Variants in MYH6 observed in about 807,000 individuals in gnomAD.
MYH6 encodes myosin-6.
Under a neutral mutation model 223.2 loss-of-function variants are expected in MYH6, and 126 were observed. That is an observed-to-expected ratio of 0.56 (90% CI 0.49 to 0.65). MYH6 has a LOEUF of 0.65. MYH6 is among the 30% of genes least tolerant of loss of function. MYH6 has a pLI of 0.00. For synonymous variants in MYH6, 978 were observed against 1,010.2 expected (o/e 0.97, Z 0.61); for missense variants, 2,040 against 2,536.4 (o/e 0.80, Z 4.20).
intron 28 of MYH6, 103 bp downstream of exon 28, chr14:23,389,290 C>A: frequency 2.9e-6 from 4 of 1,365,508 alleles, no homozygotes; most frequent in African/African-American, 1.4e-5. Context: ...AGGGTCTTTC[C>A]CTTGCAGAGG....
In MYH6 at chr14:23,390,131, C is replaced by G. The variant is rs1180345753; in HGVS notation, c.3658G>C (p.Glu1220Gln). 1.2e-6 allele frequency: 2 copies of G among 1,611,880 alleles called. No individual in the cohort carries two copies. The highest frequency in any genetic ancestry group is 8.5e-7 in the Non-Finnish European group (1 of 1,179,520). Residue 1220 changes from glutamate (E) to glutamine (Q), a missense_variant, in exon 26 of 39, where the codon GAG becomes CAG. This residue lies in a region of MYH6 where 1,203 missense variants were observed against 1,400.2 expected (regional missense o/e 0.86). Coordinates refer to ENST00000405093, the MANE Select transcript of MYH6 (RefSeq NM_002471.4). ...DNLQRVKQKL[E>Q]KEKSEFKLEL... The stretch of plus-strand genomic sequence containing the variant: ...AGCTTGAACTCGCTCTTCTCCTTCT[C>G]CAGCTTCTGCTTCACCCGCTGCAGG...
Position 23,405,814 on chromosome 14 carries a change from TC to T in MYH6, c.202-45del. The T allele has an allele frequency of 6.2e-7, 1 of 1,613,538 alleles. No homozygotes were observed. Among genetic ancestry groups the T allele is most frequent in the South Asian group, 1.1e-5 (1 of 91,048 alleles). Reference sequence around the variant, plus strand: ...CAGGAGGATGAGTGACCACAATCCCTCCGGGACCCTTGCCAGCACTGCCCAC... The same window carrying T: ...CAGGAGGATGAGTGACCACAATCCCTCGGGACCCTTGCCAGCACTGCCCAC... On this transcript the variant is annotated intron_variant, in intron 3 of 38. Transcript: ENST00000405093. The surrounding 1 kb of genome is among the most constrained non-coding windows in gnomAD (Gnocchi z 4.7).
At chr14:23,386,675 G>A (rs1039382598) in intron 32 of MYH6, 52 bp from the exon 33 acceptor site, 1 of 1,553,958 alleles carries the variant, frequency 6.4e-7, no homozygotes, top group Non-Finnish European at 8.7e-7. Context: ...GCAGGGTTGA[G>A]AGGGAGGATG....
rs768398107 is a variant in MYH6 at position 23,388,950 on chromosome 14, C to T, written c.4084G>A (p.Val1362Ile). The T allele has an allele frequency of 1.9e-5, 30 of 1,613,626 alleles. 1 individual carries two copies. Among genetic ancestry groups the T allele is most frequent in the South Asian group, 7.7e-5 (7 of 91,056 alleles). Residue 1362 changes from valine (V) to isoleucine (I), a missense_variant, in exon 29 of 39, where the codon GTC (valine) becomes ATC (isoleucine). Val to Ile is a conservative substitution (Grantham distance 29). Transcript: ENST00000405093. ...ETEAKAELQRVLSKANSEVAQ... is the reference protein window; with the variant it reads ...ETEAKAELQRILSKANSEVAQ... Reference sequence around the variant, plus strand: ...ACCTCCGAGTTGGCCTTGGACAGGACGCGCTGCAGCTCGGCCTTGGCCTCT... The same window carrying T: ...ACCTCCGAGTTGGCCTTGGACAGGATGCGCTGCAGCTCGGCCTTGGCCTCT...
Position 23,385,996 on chromosome 14 carries a change from G to C in MYH6, c.5095C>G (p.Arg1699Gly). The C allele has an allele frequency of 6.2e-7, 1 of 1,614,172 alleles. No homozygotes were observed. Among genetic ancestry groups the C allele is most frequent in the Non-Finnish European group, 8.5e-7 (1 of 1,180,034 alleles). Residue 1699 changes from arginine (R) to glycine (G), a missense_variant, in exon 34 of 39, where the codon CGG becomes GGG. By Grantham distance (125) the Arg-to-Gly change is moderately radical. Around this residue, in one of 4 missense-constraint regions of MYH6, gnomAD observed 1,203 missense variants for 1,400.2 expected, o/e 0.86. Coordinates refer to ENST00000405093, the MANE Select transcript of MYH6 (RefSeq NM_002471.4). The stretch of plus-strand genomic sequence containing the variant: ...TCCTGCTCCGCCAGCTTCCGGGACC[G>C]CTCTGTCTGCTCCACCACGGCACGC... The part of the protein sequence containing the change: ...ELRAVVEQTE[R>G]SRKLAEQELI...
intron 38 of MYH6, 98 bp from the exon 39 acceptor site, chr14:23,382,161 C>T: frequency 2.3e-6 from 3 of 1,287,068 alleles, no homozygotes; most frequent in African/African-American, 1.5e-5. Context: ...GGGAGATGCC[C>T]TTGGAGGGAG....
intron 38 of MYH6, 102 bp from the exon 39 acceptor site, chr14:23,382,165 G>C (rs535865754): frequency 7.9e-7 from 1 of 1,263,740 alleles, no homozygotes; most frequent in African/African-American, 1.5e-5. Context: ...GATGCCCTTG[G>C]AGGGAGAGGC....
chr14:23,392,725 C>T, intron 24 of MYH6, 73 bp from the exon 25 acceptor site: 5 of 1,463,952 alleles, frequency 3.4e-6, no homozygotes, highest in Non-Finnish European at 4.8e-6. Context: ...TCTTCTTGGC[C>T]TTAGTATGCC....
At chr14:23,385,461 G>A (rs571976543) in intron 34 of MYH6, among the ~76,000 whole-genome samples, 30 of 149,504 alleles carry the variant, frequency 2.0e-4, no homozygotes, top group Non-Finnish European at 3.6e-4. Flanking sequence ...ACACATACTA[G>A]ATTAAAGAAC....
chr14:23,384,835 G>A, intron 35 of MYH6, 81 bp downstream of exon 35: 2 of 1,613,240 alleles, frequency 1.2e-6, no homozygotes, highest in South Asian at 2.2e-5. Flanking sequence ...AGTTGGCTTG[G>A]TGTTACAGCA....
At position 23,382,430 on chromosome 14, in the gene MYH6, T is replaced by A. The variant is rs763914096; in HGVS notation, c.5794A>T (p.Lys1932Ter). ...TGAAGCCCAGGGGAGGGACCCACCT[T>A]GGCACCAATGTCACGGCTCTTGGCT... ...LRAKSRDIGAKQKMHDEE is the reference protein window; with the variant it reads ...LRAKSRDIGA Residue 1932 changes from lysine to a stop codon, truncating the protein, a stop_gained and splice_region_variant, in exon 38 of 39, where the codon AAG (lysine) becomes TAG (stop). Transcript: ENST00000405093. LOFTEE classifies it high-confidence loss of function. 6.1e-5 allele frequency: 99 copies of A among 1,614,002 alleles called. No individual in the cohort carries two copies. The highest frequency in any genetic ancestry group is 8.2e-5 in the Non-Finnish European group (97 of 1,180,012).
chr14:23,399,559 C>T (rs1418575404), intron 14 of MYH6, among the ~76,000 whole-genome samples: 1 of 152,070 alleles, frequency 6.6e-6, no homozygotes, highest in East Asian at 2.0e-4. Context: ...CATGTACACA[C>T]ACACACGTAC....
At chr14:23,383,440 G>C in intron 36 of MYH6, 120 bp from the exon 37 acceptor site, 1 of 787,176 alleles carries the variant, frequency 1.3e-6, no homozygotes, top group Non-Finnish European at 2.1e-6. Flanking sequence ...CAATGATCCA[G>C]GTCAAAGAGG....
Position 23,400,859 on chromosome 14 carries a change from C to T in MYH6, c.1260G>A (p.Gln420=), listed in dbSNP as rs558235455. 2 of 1,614,260 alleles carry T rather than the reference C, an allele frequency of 1.2e-6. No individual in the cohort carries two copies. The highest frequency in any genetic ancestry group is 2.2e-5 in the South Asian group (2 of 91,088). ...EYVTKGQSVQ[Q]VYYSIGALAK... The stretch of plus-strand genomic sequence containing the variant: ...CCAGAGCCCCGATGGAGTAGTACAC[C>T]TGCTGCACGCTCTGCCCCTTGGTGA... The change falls in exon 13 of 39, where the codon CAG becomes CAA. Residue 420 remains glutamine (Q), a synonymous_variant. Coordinates refer to ENST00000405093, the MANE Select transcript of MYH6 (RefSeq NM_002471.4).
chr14:23,397,943 C>CTTCTTCTTCTTCTTT (rs1891459790), intron 15 of MYH6, among the ~76,000 whole-genome samples: 4 of 57,996 alleles, frequency 6.9e-5, no homozygotes, highest in Admixed American at 1.8e-4. Flanking sequence ...TCTTCTTCTT[C>CTTCTTCTTCTTCTTT]TTCTTCTTCT....
In MYH6 at chr14:23,405,655, T is replaced by G; in HGVS notation, c.317A>C (p.Lys106Thr). The G allele has an allele frequency of 6.2e-7, 1 of 1,614,178 alleles. No individual in the cohort carries two copies. ...LHEPAVLFNL[K>T]ERYAAWMIYT... ...TATCATCCAGGCCGCGTAGCGCTCC[T>G]TGAGGTTGAAAAGCACCGCGGGCTC... Residue 106 changes from lysine (K) to threonine (T), a missense_variant, in exon 4 of 39, where the codon AAG (lysine) becomes ACG (threonine). This residue lies in a region of MYH6 where 184 missense variants were observed against 232.4 expected (regional missense o/e 0.79). Coordinates refer to ENST00000405093, the MANE Select transcript of MYH6 (RefSeq NM_002471.4). The surrounding 1 kb of genome is among the most constrained non-coding windows in gnomAD (Gnocchi z 4.7).
intron 7 of MYH6, 64 bp from the exon 8 acceptor site, chr14:23,404,452 CAGGG>C: frequency 6.3e-7 from 1 of 1,589,636 alleles, no homozygotes; most frequent in Non-Finnish European, 8.6e-7. Context: ...GGTGAGAGGG[CAGGG>C]AGGCTGCCCT....
chr14:23,397,955 C>CTTCTTCTTCTTCTTT (rs1891466632), intron 15 of MYH6, among the ~76,000 whole-genome samples: 25 of 96,804 alleles, frequency 2.6e-4, no homozygotes, highest in Non-Finnish European at 3.4e-4. Flanking sequence ...TCTTCTTCTT[C>CTTCTTCTTCTTCTTT]TTCTTCTTCT....
rs1891729151 is a variant in MYH6 at position 23,404,784 on chromosome 14, C to T, written c.569G>A (p.Arg190His). ...AATGCTGGCAAAGTACTGGATGACA[C>T]GCTTGGTGTTCACAGTCTTCCCCGC... ...SGAGKTVNTK[R>H]VIQYFASIAA... The change falls in exon 7 of 39, where the codon CGT becomes CAT. Residue 190 changes from arginine to histidine, a missense_variant. Around this residue, in one of 4 missense-constraint regions of MYH6, gnomAD observed 649 missense variants for 877.3 expected, o/e 0.74. Coordinates refer to ENST00000405093, the MANE Select transcript of MYH6 (RefSeq NM_002471.4). 15 of 1,614,170 alleles carry T rather than the reference C, an allele frequency of 9.3e-6. No individual in the cohort carries two copies. Among genetic ancestry groups the T allele is most frequent in the South Asian group, 2.2e-5 (2 of 91,088 alleles).
Sources: gnomAD v4.1 joint callset for allele counts (sites outside exome capture counted in the v4.1 genomes callset) on GRCh38, gnomAD v4.1.1 for gene constraint, gnomAD v4.1.1 regional missense constraint, Gnocchi (gnomAD v3.1) non-coding constraint, MANE v1.5 for transcripts, NCBI Gene and HGNC (gene_info 2026-07-23, HGNC 2026-07-21) for gene names.